The following GRIP1 variants were observed in gnomAD, a reference collection of about 807,000 sequenced individuals.
The protein encoded by GRIP1 is glutamate receptor-interacting protein 1.
A neutral mutation model predicts 129.9 loss-of-function variants in GRIP1; 45 were observed. The ratio of observed to expected loss-of-function variants is 0.35; its 90% CI spans 0.27 to 0.44. The LOEUF (loss-of-function observed/expected upper bound fraction) is 0.44, where lower values mean the gene tolerates loss of function less well. Ranked by LOEUF, GRIP1 falls within the 20% of genes least tolerant of loss-of-function variation. The pLI is 1.00. For missense variants in GRIP1, 1,196 were observed against 1,396.8 expected (o/e 0.86, Z 2.29); for synonymous variants, 530 against 520.8 (o/e 1.02, Z -0.24).
At chr12:67,063,015 C>T (rs966246816) in intron 1 of GRIP1, among the ~76,000 whole-genome samples, 3 of 152,184 alleles carry the variant, frequency 2.0e-5, no homozygotes, top group Non-Finnish European at 4.4e-5. Flanking sequence ...TACTGAACTC[C>T]AAACCATCTG....
chr12:66,934,817 A>G (rs1175173271), intron 1 of GRIP1, among the ~76,000 whole-genome samples: 1 of 152,220 alleles, frequency 6.6e-6, no homozygotes, highest in East Asian at 1.9e-4. Flanking sequence ...GAGGAGACAC[A>G]GTAAGCAACT....
At chr12:66,499,153 C>G in intron 7 of GRIP1, among the ~76,000 whole-genome samples, 1 of 152,256 alleles carries the variant, frequency 6.6e-6, no homozygotes, top group Non-Finnish European at 1.5e-5. Flanking sequence ...TTATTGTCCT[C>G]TTAAGTTGCA....
intron 23 of GRIP1, among the ~76,000 whole-genome samples, chr12:66,360,117 G>T (rs921331212): frequency 2.0e-5 from 3 of 151,984 alleles, no homozygotes; most frequent in African/African-American, 7.2e-5. Flanking sequence ...GAATGCAGAA[G>T]CACCAGGATT....
chr12:66,730,531 C>T (rs1389650643), intron 1 of GRIP1, among the ~76,000 whole-genome samples: 3 of 151,916 alleles, frequency 2.0e-5, no homozygotes, highest in Non-Finnish European at 4.4e-5. Flanking sequence ...AATTATCTGT[C>T]CAAAAAAGCT....
At chr12:66,664,353 C>T (rs1427578282) in intron 1 of GRIP1, among the ~76,000 whole-genome samples, 1 of 152,154 alleles carries the variant, frequency 6.6e-6, no homozygotes, top group African/African-American at 2.4e-5. Context: ...TTAAAAATAA[C>T]TTTATATTTT....
chr12:66,531,424 A>T (rs1299509296), intron 4 of GRIP1, among the ~76,000 whole-genome samples: 2 of 151,672 alleles, frequency 1.3e-5, no homozygotes, highest in Admixed American at 1.3e-4. Flanking sequence ...CTTTAATTAC[A>T]ATTATTTTTA....
At chr12:66,852,090 T>C (rs543367645) in intron 1 of GRIP1, among the ~76,000 whole-genome samples, 76 of 152,206 alleles carry the variant, frequency 5.0e-4, no homozygotes, top group African/African-American at 1.7e-3. Context: ...TACAGTCTTC[T>C]ATAAATAGAG....
intron 1 of GRIP1, among the ~76,000 whole-genome samples, chr12:66,762,982 C>G (rs1270756758): frequency 6.6e-6 from 1 of 152,088 alleles, no homozygotes; most frequent in Non-Finnish European, 1.5e-5. Context: ...AGTCACTGAT[C>G]ATCATAGTCT....
intron 1 of GRIP1, among the ~76,000 whole-genome samples, chr12:66,762,688 A>G (rs1301754215): frequency 6.6e-6 from 1 of 152,190 alleles, no homozygotes; most frequent in Non-Finnish European, 1.5e-5. Context: ...CTGGGAAATC[A>G]AAAAGAAATG....
intron 1 of GRIP1, among the ~76,000 whole-genome samples, chr12:67,040,431 G>A (rs761399049): frequency 2.0e-5 from 3 of 152,162 alleles, no homozygotes; most frequent in Non-Finnish European, 4.4e-5. Context: ...TTCCCACAAA[G>A]ACATAAATCC....
chr12:66,844,086 A>G (rs2039769774), intron 1 of GRIP1, among the ~76,000 whole-genome samples: 1 of 152,194 alleles, frequency 6.6e-6, no homozygotes, highest in Admixed American at 6.5e-5. Flanking sequence ...GAATATATAA[A>G]GAATCCTACA....
rs772753895 is a variant in GRIP1 at position 66,979,252 on chromosome 12, A to AAAAAAAAAAAAAAAC, written c.58+89797_58+89798insGTTTTTTTTTTTTTT. 1.4e-3 allele frequency among the ~76,000 whole-genome samples: 158 copies of AAAAAAAAAAAAAAAC among 110,208 alleles called. 4 individuals are homozygous for AAAAAAAAAAAAAAAC. The highest frequency in any genetic ancestry group is 2.4e-3 in the Non-Finnish European group (132 of 55,720). 72.3% of individuals were successfully genotyped at this position (110,208 alleles called of 152,430 possible). On this transcript the variant is annotated intron_variant, in intron 1 of 1. Transcript: ENST00000643019. ...AAAAAAAAAAAAAAAAAAAAAAAAA[A>AAAAAAAAAAAAAAAC]AACAAGCCCGTCATCCTGCAAGTAC...
intron 15 of GRIP1, among the ~76,000 whole-genome samples, chr12:66,410,698 A>G (rs2057371200): frequency 6.6e-6 from 1 of 152,090 alleles, no homozygotes; most frequent in Non-Finnish European, 1.5e-5. Context: ...CACCTACAAG[A>G]TCTAAAAAAT....
intron 1 of GRIP1, among the ~76,000 whole-genome samples, chr12:66,881,025 G>C (rs1413459239): frequency 1.3e-5 from 2 of 151,086 alleles, no homozygotes; most frequent in Non-Finnish European, 2.9e-5. Flanking sequence ...TCAAATACCA[G>C]GTGTCTCAGG....
chr12:66,827,387 T>TGTGAGTGTGTGAGA (rs755458052), intron 1 of GRIP1, among the ~76,000 whole-genome samples: 1 of 108,226 alleles, frequency 9.2e-6, no homozygotes, highest in Admixed American at 9.3e-5. Flanking sequence ...TGTGTGTGTG[T>TGTGAGTGTGTGAGA]GAGAGAGAGA....
chr12:66,378,773 A>C (rs2055945200), intron 20 of GRIP1, among the ~76,000 whole-genome samples: 1 of 151,826 alleles, frequency 6.6e-6, no homozygotes, highest in African/African-American at 2.4e-5. Context: ...TAAAAGTAAT[A>C]CAATATAAAA....
intron 2 of GRIP1, among the ~76,000 whole-genome samples, chr12:66,559,008 G>A (rs1234796228): frequency 6.6e-6 from 1 of 151,994 alleles, no homozygotes; most frequent in Non-Finnish European, 1.5e-5. Flanking sequence ...TCCCAGGGGT[G>A]CAAGGATGGT....
At chr12:66,933,268 C>A (rs1348425885) in intron 1 of GRIP1, among the ~76,000 whole-genome samples, 1 of 152,136 alleles carries the variant, frequency 6.6e-6, no homozygotes, top group Non-Finnish European at 1.5e-5. Context: ...CCCAGAGGAG[C>A]TGCATAGAGG....
chr12:66,621,202 T>A (rs2139969408), intron 1 of GRIP1, among the ~76,000 whole-genome samples: 1 of 152,260 alleles, frequency 6.6e-6, no homozygotes, highest in Middle Eastern at 3.4e-3. Flanking sequence ...ACCCCTATTA[T>A]CTTCAGAACT....
Sources: allele counts gnomAD v4.1 joint callset (sites outside exome capture counted in the v4.1 genomes callset), GRCh38; gene constraint gnomAD v4.1.1; transcripts MANE v1.5; gene names NCBI Gene and HGNC (gene_info 2026-07-23, HGNC 2026-07-21).